WDR72: variants seen among roughly 807,000 people sequenced by gnomAD.
WDR72 encodes the protein WD repeat-containing protein 72.
WDR72 carries 120 observed loss-of-function variants against 124.2 expected under a neutral mutation model. The observed-to-expected ratio is 0.97, with a 90% CI of 0.83 to 1.12. WDR72 has a LOEUF of 1.12. WDR72 is among the 50% of genes most tolerant of loss of function. The probability of loss-of-function intolerance (pLI) is 0.00; values close to 1 mark genes in which losing one functional copy is unlikely to be tolerated. For missense variants in WDR72, 1,387 were observed against 1,278.8 expected, an observed-to-expected ratio of 1.08 and a Z score of -1.29; for synonymous variants, 452 against 441.7, an observed-to-expected ratio of 1.02 and a Z score of -0.29.
At chr15:53,713,489 C>T (rs1229100650) in intron 6 of WDR72, among the ~76,000 whole-genome samples, 1 of 85,716 alleles carries the variant, frequency 1.2e-5, no homozygotes, top group Non-Finnish European at 2.6e-5. Context: ...CTTGCTGTGT[C>T]GCCAAGGATG....
At chr15:53,689,601 C>A (rs1194185642) in intron 13 of WDR72, among the ~76,000 whole-genome samples, 1 of 146,788 alleles carries the variant, frequency 6.8e-6, no homozygotes, top group Admixed American at 6.8e-5. Context: ...AATAGGAACA[C>A]TTTTACACTG....
chr15:53,596,395 C>T (rs568337560), intron 18 of WDR72, among the ~76,000 whole-genome samples: 12 of 151,928 alleles, frequency 7.9e-5, no homozygotes, highest in Non-Finnish European at 1.8e-4. Context: ...CACTTGTTGG[C>T]CCTAAACCAT....
chr15:53,657,137 A>G (rs690090), intron 14 of WDR72, among the ~76,000 whole-genome samples: 48,262 of 151,158 alleles, frequency 0.32, 8,828 homozygotes, highest in East Asian at 0.53. Flanking sequence ...GGTGGCATGC[A>G]CTTGTAGTCC....
At chr15:53,685,144 C>A (rs28861487) in intron 13 of WDR72, among the ~76,000 whole-genome samples, 4,853 of 148,436 alleles carry the variant, frequency 0.033, 189 homozygotes, top group African/African-American at 0.093. Context: ...AACTCTAAAA[C>A]GCAGAGCGCC....
intron 18 of WDR72, among the ~76,000 whole-genome samples, chr15:53,588,760 G>A (rs2012349742): frequency 6.7e-6 from 1 of 149,724 alleles, no homozygotes; most frequent in Non-Finnish European, 1.5e-5. Flanking sequence ...ATTGTTTTTA[G>A]AACTATGAAT....
chr15:53,708,059 T>TCA (rs1326504302), intron 9 of WDR72, among the ~76,000 whole-genome samples: 1 of 152,184 alleles, frequency 6.6e-6, no homozygotes, highest in East Asian at 1.9e-4. Context: ...TCTCACTTGC[T>TCA]CACACTCACC....
At chr15:53,739,793 AATAGTG>A (rs751770409) in intron 1 of WDR72, among the ~76,000 whole-genome samples, 2 of 152,204 alleles carry the variant, frequency 1.3e-5, no homozygotes, top group African/African-American at 2.4e-5. Flanking sequence ...CTAAGAATTA[AATAGTG>A]ATACACAAGG....
At chr15:53,584,670 C>T (rs1301007740) in intron 18 of WDR72, among the ~76,000 whole-genome samples, 1 of 151,948 alleles carries the variant, frequency 6.6e-6, no homozygotes, top group Non-Finnish European at 1.5e-5. Context: ...TTAATGGTCT[C>T]TCTCTTTCAG....
intron 18 of WDR72, among the ~76,000 whole-genome samples, chr15:53,531,957 T>TC (rs1177233969): frequency 6.6e-6 from 1 of 152,016 alleles, no homozygotes; most frequent in East Asian, 1.9e-4. Flanking sequence ...TAGAAAACAA[T>TC]CGTAAGGCAG....
chr15:53,622,060 A>G (rs879744086), intron 14 of WDR72, among the ~76,000 whole-genome samples: 1 of 152,206 alleles, frequency 6.6e-6, no homozygotes, highest in African/African-American at 2.4e-5. Flanking sequence ...AATGCAAATC[A>G]AAACAGCAAT....
chr15:53,592,949 T>C (rs1327537881), intron 18 of WDR72, among the ~76,000 whole-genome samples: 2 of 152,032 alleles, frequency 1.3e-5, no homozygotes, highest in Non-Finnish European at 2.9e-5. Context: ...TTAGATAAAA[T>C]CACCACTTTC....
At position 53,727,343 on chromosome 15, in the gene WDR72, C is replaced by A. The variant is rs546008366; in HGVS notation, c.154-4435G>T. On this transcript the variant is annotated intron_variant, in intron 2 of 19. Coordinates refer to ENST00000360509, the MANE Select transcript of WDR72 (RefSeq NM_182758.4). ...TCTATTATGTTTTTTCTGAACTATACGAACATATGTAGATGGTAACTCAGC... is the reference window on the plus strand; with the variant it reads ...TCTATTATGTTTTTTCTGAACTATAAGAACATATGTAGATGGTAACTCAGC... 2.0e-5 allele frequency among the ~76,000 whole-genome samples: 3 copies of A among 151,820 alleles called. No individual in the cohort carries two copies. In the South Asian group the frequency reaches 6.2e-4, roughly 32 times the overall value.
At chr15:53,733,767 C>T (rs1242836899) in intron 1 of WDR72, among the ~76,000 whole-genome samples, 1 of 152,058 alleles carries the variant, frequency 6.6e-6, no homozygotes, top group African/African-American at 2.4e-5. Flanking sequence ...GAAATTACTA[C>T]ATTCATATGT....
At chr15:53,637,400 T>C (rs1408079314) in intron 14 of WDR72, among the ~76,000 whole-genome samples, 1 of 152,202 alleles carries the variant, frequency 6.6e-6, no homozygotes, top group Non-Finnish European at 1.5e-5. Flanking sequence ...TTACTTGTTG[T>C]CTGCTTCAAA....
chr15:53,645,382 T>A (rs2015004748), intron 14 of WDR72, among the ~76,000 whole-genome samples: 1 of 152,182 alleles, frequency 6.6e-6, no homozygotes, highest in African/African-American at 2.4e-5. Context: ...TTAAAGCGTA[T>A]AATCTGACTC....
intron 14 of WDR72, among the ~76,000 whole-genome samples, chr15:53,657,784 C>T (rs1048137237): frequency 2.6e-5 from 4 of 152,122 alleles, no homozygotes; most frequent in Admixed American, 2.6e-4. Context: ...GCAGAACCAA[C>T]CTTTTCTCTG....
chr15:53,520,906 A>ACT (rs756654408), intron 19 of WDR72, among the ~76,000 whole-genome samples: 6 of 152,022 alleles, frequency 3.9e-5, no homozygotes, highest in Admixed American at 1.3e-4. Flanking sequence ...AAGGAAACAC[A>ACT]CTCTCTCATC....
At chr15:53,619,492 A>C (rs186386239) in intron 14 of WDR72, among the ~76,000 whole-genome samples, 5 of 152,138 alleles carry the variant, frequency 3.3e-5, no homozygotes, top group African/African-American at 1.2e-4. Context: ...TTAATACTTA[A>C]GCAAAAGTAC....
In WDR72 at chr15:53,615,662, T is replaced by C; in HGVS notation, c.2544A>G (p.Leu848=). The change falls in exon 15 of 20, where the codon TTA becomes TTG. Residue 848 remains leucine (L), a synonymous_variant. Transcript: ENST00000360509. Reference sequence around the variant, plus strand: ...AGTCTTTTATCATTCCACTATTGCATAAATCCCAACCTGGCAACATCAGTG... The same window carrying C: ...AGTCTTTTATCATTCCACTATTGCACAAATCCCAACCTGGCAACATCAGTG... ...NFSLMLPGWD[L]CNSGMIKDYS... 6.2e-7 allele frequency: 1 copy of C among 1,611,920 alleles called. No individual in the cohort carries two copies. Among genetic ancestry groups the C allele is most frequent in the Non-Finnish European group, 8.5e-7 (1 of 1,178,806 alleles).
Sources: allele counts gnomAD v4.1 joint callset (sites outside exome capture counted in the v4.1 genomes callset), GRCh38; gene constraint gnomAD v4.1.1; transcripts MANE v1.5; gene names NCBI Gene and HGNC (gene_info 2026-07-23, HGNC 2026-07-21).